EFCAB7: variants seen among roughly 807,000 people sequenced by gnomAD.
EFCAB7 encodes EF-hand calcium-binding domain-containing protein 7.
In EFCAB7, 66 loss-of-function variants were observed where a neutral mutation model predicts 77.1. The ratio of observed to expected loss-of-function variants is 0.86; its 90% CI spans 0.70 to 1.05. The LOEUF (loss-of-function observed/expected upper bound fraction) is 1.05, where lower values mean the gene tolerates loss of function less well. EFCAB7 is among the 50% of genes least tolerant of loss of function. The pLI, the probability that EFCAB7 is intolerant of heterozygous loss-of-function variation, is 0.00. For synonymous variants in EFCAB7, 225 were observed against 243.3 expected (o/e 0.92, Z 0.70); for missense variants, 638 against 730.5 (o/e 0.87, Z 1.46).
chr1:63,533,989 A>G (rs1389665535), intron 5 of EFCAB7, 106 bp from the exon 6 acceptor site: 2 of 1,231,736 alleles, frequency 1.6e-6, no homozygotes, highest in African/African-American at 1.5e-5. Context: ...GAGAACAAAG[A>G]GAATCAAAGT....
chr1:63,554,671 T>G (rs2100909177), intron 8 of EFCAB7, among the ~76,000 whole-genome samples: 1 of 152,308 alleles, frequency 6.6e-6, no homozygotes, highest in South Asian at 2.1e-4. Flanking sequence ...GAATAAAATG[T>G]TTTCCTGTAC....
At chr1:63,549,035 G>A (rs888867733) in intron 7 of EFCAB7, 11 of 240,704 alleles carry the variant, frequency 4.6e-5, no homozygotes, top group Non-Finnish European at 8.1e-5. Flanking sequence ...AGAGTATAGC[G>A]CCACTATGAC....
chr1:63,547,610 A>G (rs1246385248), intron 7 of EFCAB7: 3 of 152,252 alleles, frequency 2.0e-5, no homozygotes, highest in Non-Finnish European at 2.9e-5. Context: ...TCAGTGGCTT[A>G]AAACAATTAA....
downstream of EFCAB7, among the ~76,000 whole-genome samples, chr1:63,576,189 C>G (rs1570452871): frequency 6.6e-6 from 1 of 152,110 alleles, no homozygotes; most frequent in Non-Finnish European, 1.5e-5. Flanking sequence ...TATTGAAAGT[C>G]TGAGGGGTAG....
intron 8 of EFCAB7, among the ~76,000 whole-genome samples, chr1:63,553,697 AC>A (rs1164898920): frequency 2.0e-5 from 3 of 152,172 alleles, no homozygotes; most frequent in Non-Finnish European, 4.4e-5. Context: ...TCAAAATAGG[AC>A]CTGGTGACCT....
intron 10 of EFCAB7, among the ~76,000 whole-genome samples, 184 bp downstream of exon 10, chr1:63,557,431 G>T (rs1379790758): frequency 1.3e-5 from 2 of 152,104 alleles, no homozygotes; most frequent in Non-Finnish European, 2.9e-5. Context: ...CCGATAGTTG[G>T]TATAATACTC....
At chr1:63,563,316 T>G (rs1252703212) in intron 11 of EFCAB7, among the ~76,000 whole-genome samples, 1 of 152,232 alleles carries the variant, frequency 6.6e-6, no homozygotes, top group African/African-American at 2.4e-5. Context: ...AAATACAGTA[T>G]ACATTGGAAA....
chr1:63,536,192 A>T (rs1646760999), intron 6 of EFCAB7, among the ~76,000 whole-genome samples: 1 of 152,194 alleles, frequency 6.6e-6, no homozygotes, highest in South Asian at 2.1e-4. Context: ...ATAAAATGTA[A>T]TGTCTTTTGG....
At chr1:63,526,808 A>C (rs1419129019) in intron 2 of EFCAB7, among the ~76,000 whole-genome samples, 3 of 151,920 alleles carry the variant, frequency 2.0e-5, no homozygotes, top group Non-Finnish European at 4.4e-5. Context: ...TCTGTCTTCC[A>C]GGCTGGAGTG....
At chr1:63,565,251 C>T (rs574586586) in intron 11 of EFCAB7, among the ~76,000 whole-genome samples, 5 of 151,686 alleles carry the variant, frequency 3.3e-5, no homozygotes, top group Admixed American at 1.3e-4. Flanking sequence ...CCCAGCTACT[C>T]GGGAGGCTGA....
intron 8 of EFCAB7, among the ~76,000 whole-genome samples, chr1:63,553,335 T>TTTTG (rs796493031): frequency 3.9e-5 from 6 of 152,148 alleles, no homozygotes; most frequent in African/African-American, 7.2e-5. Flanking sequence ...AACATTTCAT[T>TTTTG]TTTGTTTGTT....
intron 11 of EFCAB7, among the ~76,000 whole-genome samples, chr1:63,564,973 A>C (rs894080806): frequency 1.3e-5 from 2 of 152,234 alleles, no homozygotes; most frequent in African/African-American, 2.4e-5. Context: ...AGGATTCTCT[A>C]TTCAATAAAT....
At chr1:63,551,111 T>C (rs1646959311) in intron 7 of EFCAB7, 1 of 152,226 alleles carries the variant, frequency 6.6e-6, no homozygotes, top group African/African-American at 2.4e-5. Context: ...ACTTAAATCC[T>C]CTTTTTTTTC....
chr1:63,578,232 C>T, the EFCAB7 span, among the ~76,000 whole-genome samples: 1 of 152,128 alleles, frequency 6.6e-6, no homozygotes, highest in Admixed American at 6.5e-5. Flanking sequence ...ATGTTTTTCA[C>T]TTTTCCTAGA....
chr1:63,585,083 T>C, the EFCAB7 span, among the ~76,000 whole-genome samples: 1 of 152,180 alleles, frequency 6.6e-6, no homozygotes, highest in African/African-American at 2.4e-5. Flanking sequence ...ATTGGTGTTA[T>C]TTCTTTAAAT....
chr1:63,551,860 T>C, intron 8 of EFCAB7, 26 bp downstream of exon 8: 3 of 1,440,714 alleles, frequency 2.1e-6, no homozygotes, highest in Non-Finnish European at 2.8e-6. Context: ...TTCTAATGTT[T>C]AATTTTTAAA....
chr1:63,554,340 CTTTT>C (rs1473903570), intron 8 of EFCAB7, among the ~76,000 whole-genome samples: 3 of 151,992 alleles, frequency 2.0e-5, no homozygotes, highest in East Asian at 1.9e-4. Flanking sequence ...TTCTTTCTTT[CTTTT>C]GTTTTTTTGT....
intron 7 of EFCAB7, chr1:63,549,741 A>T (rs529569611): frequency 5.1e-4 from 113 of 220,352 alleles, no homozygotes; most frequent in African/African-American, 2.6e-3. Flanking sequence ...TCTTTTTTTT[A>T]AGCCTATATG....
rs866634960 is a variant in EFCAB7, at chr1:63,545,944, GCTT to G, written c.840_842del (p.Phe280del). On this transcript the variant is annotated inframe_deletion, in exon 7 of 14. Transcript: ENST00000371088. ...TGGCAACACATGCAATCAAAAGGTT[GCTT>G]CTTCTTAGAAGAAGATGGTGAAATC... 4 of 1,613,498 alleles carry G rather than the reference GCTT, an allele frequency of 2.5e-6. No homozygotes were observed. Among genetic ancestry groups the G allele is most frequent in the Non-Finnish European group, 3.4e-6 (4 of 1,179,662 alleles).
Sources: allele counts gnomAD v4.1 joint callset (sites outside exome capture counted in the v4.1 genomes callset), GRCh38; gene constraint gnomAD v4.1.1; transcripts MANE v1.5; gene names NCBI Gene and HGNC (gene_info 2026-07-23, HGNC 2026-07-21).